DPP6: variants seen among roughly 807,000 people sequenced by gnomAD.
DPP6 encodes the protein dipeptidyl peptidase like 6, also known as A-type potassium channel modulatory protein DPP6.
DPP6 carries 69 observed loss-of-function variants against 122.6 expected under a neutral mutation model. That is an observed-to-expected ratio of 0.56 (90% CI 0.46 to 0.69). The LOEUF (loss-of-function observed/expected upper bound fraction) is 0.69. Among genes scored for constraint, DPP6 ranks in the 30% least tolerant of loss-of-function variants. The pLI is 0.00. For synonymous variants in DPP6, 418 were observed against 433.1 expected (o/e 0.97, Z 0.43); for missense variants, 928 against 1,116.9 (o/e 0.83, Z 2.41).
At chr7:154,429,090 G>T (rs1208666428) in intron 1 of DPP6, among the ~76,000 whole-genome samples, 2 of 151,734 alleles carry the variant, frequency 1.3e-5, no homozygotes, top group Non-Finnish European at 2.9e-5. Flanking sequence ...GAATCTAAAG[G>T]CCTGGCCTCA....
chr7:154,059,839 C>A (rs1801417984), intron 1 of DPP6, among the ~76,000 whole-genome samples: 2 of 151,312 alleles, frequency 1.3e-5, no homozygotes, highest in Non-Finnish European at 1.5e-5. Flanking sequence ...AACAACTAGA[C>A]AGGGTTGCTA....
the DPP6 span, among the ~76,000 whole-genome samples, chr7:153,846,994 T>C: frequency 6.6e-6 from 1 of 152,166 alleles, no homozygotes; most frequent in Non-Finnish European, 1.5e-5. Context: ...GCTGGTTCTT[T>C]TTTAAAAATA....
intron 3 of DPP6, among the ~76,000 whole-genome samples, chr7:154,538,634 G>A (rs1415417919): frequency 2.6e-5 from 4 of 152,082 alleles, no homozygotes; most frequent in Non-Finnish European, 4.4e-5. Flanking sequence ...ATGGACGAAG[G>A]GAGATAAGGT....
chr7:153,788,908 T>G, the DPP6 span, among the ~76,000 whole-genome samples: 1 of 148,286 alleles, frequency 6.7e-6, no homozygotes, highest in Non-Finnish European at 1.5e-5. Flanking sequence ...GAGGTTGGAG[T>G]GAGATGAGAT....
At chr7:154,581,764 T>C (rs1442336325) in intron 5 of DPP6, among the ~76,000 whole-genome samples, 3 of 152,238 alleles carry the variant, frequency 2.0e-5, no homozygotes, top group African/African-American at 2.4e-5. Flanking sequence ...TAATCGCTCC[T>C]GGAGTGGGAA....
chr7:154,723,379 C>T (rs138978090), intron 7 of DPP6, among the ~76,000 whole-genome samples: 62 of 151,950 alleles, frequency 4.1e-4, no homozygotes, highest in African/African-American at 1.5e-3. Flanking sequence ...TAATATCCAT[C>T]ATAGCAAACT....
At position 154,393,853 on chromosome 7, in the gene DPP6, T is replaced by C. The variant is rs146618189; in HGVS notation, c.244-52361T>C. Among the ~76,000 whole-genome samples the C allele has an allele frequency of 3.3e-4, 51 of 152,320 alleles. No individual in the cohort carries two copies. In the East Asian group the frequency reaches 8.7e-3, roughly 26 times the overall value. On this transcript the variant is annotated intron_variant, in intron 1 of 25. Coordinates refer to ENST00000377770, the MANE Select transcript of DPP6 (RefSeq NM_130797.4). ...ACCACCATCCAATGTTCTGTCTCCA[T>C]GATTTTGACTACTCTTAAGTACCTT...
At chr7:154,710,921 G>C (rs958821147) in intron 7 of DPP6, among the ~76,000 whole-genome samples, 5 of 152,288 alleles carry the variant, frequency 3.3e-5, no homozygotes, top group Middle Eastern at 6.8e-3. Flanking sequence ...TCTGTGCTTC[G>C]CCCTATAAAT....
chr7:154,594,163 G>T (rs974865967), intron 5 of DPP6, among the ~76,000 whole-genome samples: 1 of 152,188 alleles, frequency 6.6e-6, no homozygotes, highest in South Asian at 2.1e-4. Flanking sequence ...CCCTCATGGA[G>T]GATCTTCTAA....
At chr7:154,332,495 C>G (rs540091498) in intron 1 of DPP6, among the ~76,000 whole-genome samples, 36 of 152,220 alleles carry the variant, frequency 2.4e-4, no homozygotes, top group Non-Finnish European at 3.4e-4. Flanking sequence ...CCAGGCCATG[C>G]AGTTGATGTT....
intron 1 of DPP6, among the ~76,000 whole-genome samples, chr7:154,071,887 A>T (rs1803143497): frequency 2.6e-5 from 4 of 152,210 alleles, no homozygotes; most frequent in Admixed American, 2.6e-4. Context: ...AAATGCAGCT[A>T]AATTAGTCTA....
intron 7 of DPP6, among the ~76,000 whole-genome samples, chr7:154,712,499 A>G (rs1469475031): frequency 3.9e-5 from 6 of 152,196 alleles, no homozygotes; most frequent in African/African-American, 1.4e-4. Flanking sequence ...ATGAAGAAAT[A>G]CCCAAGACTG....
chr7:154,485,707 TG>T (rs1823725976), intron 3 of DPP6, among the ~76,000 whole-genome samples: 1 of 152,174 alleles, frequency 6.6e-6, no homozygotes, highest in Admixed American at 6.5e-5. Flanking sequence ...AAGCAATAAT[TG>T]CAACAGGAAT....
At chr7:154,392,341 A>T (rs1252788085) in intron 1 of DPP6, among the ~76,000 whole-genome samples, 3 of 152,204 alleles carry the variant, frequency 2.0e-5, no homozygotes, top group Non-Finnish European at 4.4e-5. Context: ...GGTGTAAGTG[A>T]TTTAACCTGA....
chr7:154,771,397 G>C (rs904721846), intron 9 of DPP6, among the ~76,000 whole-genome samples: 1 of 152,168 alleles, frequency 6.6e-6, no homozygotes, highest in African/African-American at 2.4e-5. Flanking sequence ...CCGCCTTCTC[G>C]CCATGTCTTC....
chr7:154,419,332 T>A (rs1416321272), intron 1 of DPP6, among the ~76,000 whole-genome samples: 1 of 152,242 alleles, frequency 6.6e-6, no homozygotes, highest in East Asian at 1.9e-4. Flanking sequence ...ATGATGGGTA[T>A]GCTTTATTTA....
chr7:154,329,462 TG>T (rs1383517999), intron 1 of DPP6, among the ~76,000 whole-genome samples: 1 of 152,212 alleles, frequency 6.6e-6, no homozygotes, highest in African/African-American at 2.4e-5. Flanking sequence ...ATTAGAGAAA[TG>T]CAAGTGAAAA....
intron 1 of DPP6, among the ~76,000 whole-genome samples, chr7:154,331,093 A>T (rs1318496216): frequency 6.6e-6 from 1 of 152,170 alleles, no homozygotes; most frequent in East Asian, 1.9e-4. Flanking sequence ...TTGTGCTCTG[A>T]GTGCCTGTGC....
intron 5 of DPP6, among the ~76,000 whole-genome samples, chr7:154,585,413 A>G (rs2130696480): frequency 6.6e-6 from 1 of 152,334 alleles, no homozygotes; most frequent in East Asian, 1.9e-4. Context: ...CCACCCTTAG[A>G]AAGTCTGATG....
Sources: gnomAD v4.1 joint callset for allele counts (sites outside exome capture counted in the v4.1 genomes callset) on GRCh38, gnomAD v4.1.1 for gene constraint, MANE v1.5 for transcripts, NCBI Gene and HGNC (gene_info 2026-07-23, HGNC 2026-07-21) for gene names.